Variants in FRMD6 observed in about 807,000 individuals in gnomAD.
FRMD6 encodes FERM domain containing 6.
Under a neutral mutation model 73.2 loss-of-function variants are expected in FRMD6, and 37 were observed. The ratio of observed to expected loss-of-function variants is 0.51; its 90% CI spans 0.39 to 0.66. FRMD6 has a LOEUF of 0.66. FRMD6 is among the 30% of genes least tolerant of loss of function. The pLI is 0.00. For missense variants in FRMD6, 714 were observed against 780.5 expected (o/e 0.91, Z 1.02); for synonymous variants, 273 against 282.2 (o/e 0.97, Z 0.33).
chr14:51,575,835 A>G (rs1011914997), intron 2 of FRMD6: 8 of 152,160 alleles, frequency 5.3e-5, no homozygotes, highest in Non-Finnish European at 1.2e-4. Context: ...GCATCTTTAT[A>G]AACATGAACA....
the FRMD6 span, among the ~76,000 whole-genome samples, chr14:51,469,134 G>T: frequency 2.0e-5 from 3 of 151,606 alleles, no homozygotes; most frequent in Non-Finnish European, 4.4e-5. Context: ...TAGAGACGGG[G>T]TTTCACCGTG....
At chr14:51,658,403 G>A (rs905916913) in intron 1 of FRMD6, among the ~76,000 whole-genome samples, 3 of 151,628 alleles carry the variant, frequency 2.0e-5, no homozygotes, top group Non-Finnish European at 2.9e-5. Context: ...ATCTCTTGAG[G>A]TCCCTCTTGA....
At chr14:51,455,733 C>A in the FRMD6 span, among the ~76,000 whole-genome samples, 1 of 152,016 alleles carries the variant, frequency 6.6e-6, no homozygotes, top group African/African-American at 2.4e-5. Context: ...AATTTGGAGG[C>A]AAAGCAAACG....
At chr14:51,615,099 T>C (rs1594606011) in intron 2 of FRMD6, among the ~76,000 whole-genome samples, 1 of 151,922 alleles carries the variant, frequency 6.6e-6, no homozygotes, top group African/African-American at 2.4e-5. Context: ...AAGAGGAAAA[T>C]AAAAGGAAAC....
chr14:51,611,605 GAC>G (rs1303109642), intron 2 of FRMD6, among the ~76,000 whole-genome samples: 1 of 152,162 alleles, frequency 6.6e-6, no homozygotes, highest in African/African-American at 2.4e-5. Flanking sequence ...ATCCTACTAA[GAC>G]ACAGATTTGA....
At chr14:51,447,833 G>A in the FRMD6 span, among the ~76,000 whole-genome samples, 1 of 152,036 alleles carries the variant, frequency 6.6e-6, no homozygotes, top group African/African-American at 2.4e-5. Flanking sequence ...TCCTCCCTTA[G>A]CTTTCTCAAA....
At chr14:51,428,133 C>G in the FRMD6 span, among the ~76,000 whole-genome samples, 200 of 152,268 alleles carry the variant, frequency 1.3e-3, 1 homozygote, top group African/African-American at 4.6e-3. Context: ...AGGACATACT[C>G]AAACTTTTCA....
the FRMD6 span, among the ~76,000 whole-genome samples, chr14:51,425,083 C>A: frequency 6.6e-6 from 1 of 152,170 alleles, no homozygotes; most frequent in Non-Finnish European, 1.5e-5. Context: ...CAGCATTTGC[C>A]CCCAGCCCTT....
At chr14:51,418,083 G>A in the FRMD6 span, among the ~76,000 whole-genome samples, 2 of 152,138 alleles carry the variant, frequency 1.3e-5, no homozygotes, top group African/African-American at 4.8e-5. Context: ...TAGCTTCCTT[G>A]TGATGGGTTC....
chr14:51,704,917 G>C lies in FRMD6; in HGVS notation c.540G>C (p.Glu180Asp). Residue 180 changes from glutamate to aspartate, a missense_variant, in exon 6 of 14, where the codon GAG becomes GAC. By Grantham distance (45) the Glu-to-Asp change is conservative (BLOSUM62 2). Transcript: ENST00000344768. ...NKHYGKYFEP[E>D]AYFPSWVVSK... ...ACTATGGAAAATACTTCGAGCCAGA[G>C]GCTTACTTCCCATCTTGGGTAAGCA... 2 of 1,607,284 alleles carry C rather than the reference G, an allele frequency of 1.2e-6. No individual in the cohort carries two copies. Among genetic ancestry groups the C allele is most frequent in the Non-Finnish European group, 1.7e-6 (2 of 1,175,198 alleles).
At chr14:51,509,290 G>T (rs1208048057) in intron 1 of FRMD6, among the ~76,000 whole-genome samples, 1 of 152,140 alleles carries the variant, frequency 6.6e-6, no homozygotes, top group Non-Finnish European at 1.5e-5. Context: ...TTGGGAGGCC[G>T]AGGCTGGCGG....
intron 1 of FRMD6, among the ~76,000 whole-genome samples, chr14:51,566,106 A>G (rs1203406017): frequency 2.0e-5 from 3 of 152,246 alleles, no homozygotes; most frequent in East Asian, 1.9e-4. Flanking sequence ...TGGAGCTTGC[A>G]GTGAGCCGAG....
At chr14:51,665,685 G>A (rs146345762) in intron 1 of FRMD6, among the ~76,000 whole-genome samples, 57 of 152,248 alleles carry the variant, frequency 3.7e-4, no homozygotes, top group East Asian at 1.2e-3. Context: ...GTTTGGCTGC[G>A]TCCCCACCCA....
chr14:51,599,125 T>C (rs1351145707), intron 2 of FRMD6, among the ~76,000 whole-genome samples: 2 of 148,152 alleles, frequency 1.3e-5, no homozygotes, highest in Non-Finnish European at 3.0e-5. Context: ...GGTATTTCAT[T>C]GTGGTTTTGC....
At chr14:51,603,370 A>C (rs1014905802) in intron 2 of FRMD6, among the ~76,000 whole-genome samples, 1 of 152,208 alleles carries the variant, frequency 6.6e-6, no homozygotes, top group Non-Finnish European at 1.5e-5. Flanking sequence ...TGTTTCAATC[A>C]AAAATATCAT....
rs17124346 is a variant in FRMD6 at position 51,623,318 on chromosome 14, A to G, written c.-147+52908A>G. Among the ~76,000 whole-genome samples, 1,491 of 152,324 alleles carry G rather than the reference A, an allele frequency of 9.8e-3. 71 individuals carry two copies. Among genetic ancestry groups the G allele is most frequent in the Admixed American group, 0.08 (1,230 of 15,286 alleles). On this transcript the variant is annotated intron_variant, in intron 2 of 14. Coordinates refer to the FRMD6 transcript ENST00000356218. ...GAATCTCCTCCTCAATGAGTTTTAC[A>G]TTTTGAACCAGCCTGTCATTATATT...
intron 2 of FRMD6, among the ~76,000 whole-genome samples, chr14:51,587,547 T>C (rs1889123362): frequency 6.6e-6 from 1 of 152,182 alleles, no homozygotes; most frequent in African/African-American, 2.4e-5. Flanking sequence ...GGGGTGTGGT[T>C]GAGTAAGGTG....
chr14:51,461,078 ATT>A, the FRMD6 span, among the ~76,000 whole-genome samples: 3 of 152,224 alleles, frequency 2.0e-5, no homozygotes, highest in Admixed American at 2.0e-4. Context: ...GGATTAGCAG[ATT>A]TTGACTACAG....
chr14:51,506,835 A>C (rs1403536713), intron 1 of FRMD6, among the ~76,000 whole-genome samples: 1 of 152,220 alleles, frequency 6.6e-6, no homozygotes, highest in Non-Finnish European at 1.5e-5. Context: ...ACTATTAAAC[A>C]GCCATTAAAA....
Sources: allele counts gnomAD v4.1 joint callset (sites outside exome capture counted in the v4.1 genomes callset), GRCh38; gene constraint gnomAD v4.1.1; transcripts MANE v1.5; gene names NCBI Gene and HGNC (gene_info 2026-07-23, HGNC 2026-07-21).